Variants in MAP3K2 observed in about 807,000 individuals in gnomAD.
The protein encoded by MAP3K2 is MAP/ERK kinase kinase 2.
Under a neutral mutation model 80.3 loss-of-function variants are expected in MAP3K2, and 24 were observed. The ratio of observed to expected loss-of-function variants is 0.30; its 90% CI spans 0.22 to 0.42. MAP3K2 has a LOEUF of 0.42. MAP3K2 is among the 10% of genes least tolerant of loss of function. The pLI is 1.00. For synonymous variants in MAP3K2, 244 were observed against 253.7 expected (o/e 0.96, Z 0.36); for missense variants, 608 against 750.1 (o/e 0.81, Z 2.21).
chr2:127,366,865 G>GT (rs1686980241), intron 1 of MAP3K2, among the ~76,000 whole-genome samples: 2 of 78,254 alleles, frequency 2.6e-5, no homozygotes, highest in Non-Finnish European at 5.3e-5. Context: ...CACAGTCAAG[G>GT]GTTTTTTTTT....
intron 1 of MAP3K2, among the ~76,000 whole-genome samples, chr2:127,384,739 C>G (rs1199032146): frequency 6.6e-6 from 1 of 151,888 alleles, no homozygotes; most frequent in Admixed American, 6.6e-5. Flanking sequence ...CTCACTGCAG[C>G]CCTGACCTCC....
chr2:127,339,314 A>G lies in MAP3K2; in HGVS notation c.5-264T>C, dbSNP rs1686432928. Among the ~76,000 whole-genome samples, 1 of 152,232 alleles carries G rather than the reference A, an allele frequency of 6.6e-6. No homozygotes were observed. The highest frequency in any genetic ancestry group is 1.5e-5 in the Non-Finnish European group (1 of 68,040). On this transcript the variant is annotated intron_variant, in intron 2 of 16. Transcript: ENST00000682094. The surrounding 1 kb of genome is among the most constrained non-coding windows in gnomAD (Gnocchi z 4.2). ...TCTTCCAATGATTTAATATCCTAGA[A>G]TAAGGTCAAAACTGCCCTGTTATAA...
chr2:127,332,960 T>G (rs1201287771), intron 5 of MAP3K2, among the ~76,000 whole-genome samples: 1 of 151,546 alleles, frequency 6.6e-6, no homozygotes, highest in African/African-American at 2.4e-5. Flanking sequence ...TGAAACCACA[T>G]CTCTAGAAAA....
In MAP3K2 at chr2:127,386,990, GAGAT is replaced by G. The variant is rs1687363613; in HGVS notation, c.-66+458_-66+461del. The stretch of plus-strand genomic sequence containing the variant: ...CCTCATTGAGCTGGGAAGATGAAGA[GAGAT>G]AATGCATGACAACTGCCGGGCGCAG... On this transcript the variant is annotated intron_variant, in intron 1 of 16. Transcript: ENST00000682094. Among the ~76,000 whole-genome samples the G allele has an allele frequency of 1.3e-5, 2 of 152,158 alleles. 1 individual carries two copies. The highest frequency in any genetic ancestry group is 4.1e-4 in the South Asian group (2 of 4,834).
chr2:127,387,296 GCT>G (rs1335108493), intron 1 of MAP3K2, among the ~76,000 whole-genome samples, 154 bp downstream of exon 1: 1 of 151,792 alleles, frequency 6.6e-6, no homozygotes, highest in Non-Finnish European at 1.5e-5. Flanking sequence ...CCCTCCCGCA[GCT>G]AGGCAATCAC....
At chr2:127,347,691 T>G (rs933378747) in intron 1 of MAP3K2, among the ~76,000 whole-genome samples, 1 of 152,150 alleles carries the variant, frequency 6.6e-6, no homozygotes, top group African/African-American at 2.4e-5. Context: ...CAATGAACTC[T>G]CTATCAAAAT....
At chr2:127,363,014 C>T (rs148151361) in intron 1 of MAP3K2, among the ~76,000 whole-genome samples, 8 of 152,132 alleles carry the variant, frequency 5.3e-5, no homozygotes, top group Non-Finnish European at 8.8e-5. Flanking sequence ...CAAAAAATGC[C>T]GTGTAACAAT....
intron 16 of MAP3K2, among the ~76,000 whole-genome samples, chr2:127,308,284 G>A (rs981138605): frequency 2.0e-5 from 3 of 152,038 alleles, no homozygotes; most frequent in Admixed American, 2.0e-4. Flanking sequence ...TACTTTTAAA[G>A]GTCTTTAGAC....
intron 1 of MAP3K2, among the ~76,000 whole-genome samples, chr2:127,366,888 T>A (rs1001026285): frequency 4.2e-5 from 6 of 143,248 alleles, no homozygotes; most frequent in African/African-American, 1.6e-4. Context: ...TTTTTTTTTT[T>A]TGAGACAGAG....
In MAP3K2 at chr2:127,314,802, C is replaced by T. The variant is rs1397906028; in HGVS notation, c.1408G>A (p.Gly470Ser). 6.2e-7 allele frequency: 1 copy of T among 1,609,912 alleles called. No individual in the cohort carries two copies. Among genetic ancestry groups the T allele is most frequent in the Non-Finnish European group, 8.5e-7 (1 of 1,176,344 alleles). ...TRKYTRQILEGVHYLHSNMIV... is the reference protein window; with the variant it reads ...TRKYTRQILESVHYLHSNMIV... ...ATATTACTGTGCAAATAATGGACAC[C>T]CTCCAGAATCTGACGGGTGTATTTC... Residue 470 changes from glycine to serine, a missense_variant, in exon 15 of 17, where the codon GGT becomes AGT. This residue lies in a region of MAP3K2 where 88 missense variants were observed against 132.4 expected (regional missense o/e 0.66). Transcript: ENST00000682094.
chr2:127,361,438 G>T (rs1303800821), intron 1 of MAP3K2, among the ~76,000 whole-genome samples: 1 of 151,606 alleles, frequency 6.6e-6, no homozygotes, highest in Non-Finnish European at 1.5e-5. Flanking sequence ...TACTTCCATA[G>T]ATGCAATAAA....
At position 127,322,058 on chromosome 2, in the gene MAP3K2, G is replaced by A; in HGVS notation, c.1033C>T (p.Pro345Ser). The change falls in exon 12 of 17, where the codon CCA becomes TCA. Residue 345 changes from proline to serine, a missense_variant. By Grantham distance (74) the Pro-to-Ser change is moderately conservative. Transcript: ENST00000682094. This position sits in a 1 kb window ranked among gnomAD's most constrained non-coding sequence, Gnocchi z 4.2. ...TTCTATTACTTACAACGGCTGGGTG[G>A]GCTGATGTCCATTACGGTCAAAGTA... is the stretch of plus-strand genomic sequence containing the variant. ...NPTLTVMDISPPSRSPRAPTN... is the reference protein window; with the variant it reads ...NPTLTVMDISSPSRSPRAPTN... 6.2e-7 allele frequency: 1 copy of A among 1,612,798 alleles called. No homozygotes were observed. The highest frequency in any genetic ancestry group is 8.5e-7 in the Non-Finnish European group (1 of 1,179,384).
At position 127,377,967 on chromosome 2, in the gene MAP3K2, TAG is replaced by T. The variant is rs558665502; in HGVS notation, c.-66+9483_-66+9484del. On this transcript the variant is annotated intron_variant, in intron 1 of 16. Coordinates refer to ENST00000682094, the MANE Select transcript of MAP3K2 (RefSeq NM_001371910.2). ...CCACTGCCTTCCAGCCTGGACAACATAGAGAGACCTTGTCTCAAAACAAACAA... is the reference window on the plus strand; with the variant it reads ...CCACTGCCTTCCAGCCTGGACAACATAGAGACCTTGTCTCAAAACAAACAA... 5.1e-4 allele frequency among the ~76,000 whole-genome samples: 78 copies of T among 152,168 alleles called. No homozygotes were observed. The South Asian group carries it at 7.5e-3, about 15-fold the overall frequency.
At chr2:127,334,763 ATACTT>A (rs750781739) in intron 5 of MAP3K2, among the ~76,000 whole-genome samples, 2 of 138,764 alleles carry the variant, frequency 1.4e-5, no homozygotes, top group African/African-American at 2.7e-5. Flanking sequence ...CTTCAACACA[ATACTT>A]TATGCATTTT....
intron 2 of MAP3K2, among the ~76,000 whole-genome samples, chr2:127,342,558 T>TG (rs1420352038): frequency 6.6e-6 from 1 of 152,142 alleles, no homozygotes; most frequent in Non-Finnish European, 1.5e-5. Flanking sequence ...TTTTCTTGAT[T>TG]TAGGATAGGG....
Position 127,325,824 on chromosome 2 carries a change from T to G in MAP3K2, c.598-17A>C, listed in dbSNP as rs1243561042. Reference sequence around the variant, plus strand: ...ATCCAGCATCTAGGAAAAAAAGGAGTTCCACCATGATTCAATTTGATATAA... The same window carrying G: ...ATCCAGCATCTAGGAAAAAAAGGAGGTCCACCATGATTCAATTTGATATAA... On this transcript the variant is annotated splice_polypyrimidine_tract_variant and intron_variant, in intron 8 of 16. Coordinates refer to ENST00000682094, the MANE Select transcript of MAP3K2 (RefSeq NM_001371910.2). The G allele has an allele frequency of 6.3e-7, 1 of 1,581,108 alleles. No individual in the cohort carries two copies. The highest frequency in any genetic ancestry group is 1.7e-5 in the Admixed American group (1 of 58,710).
intron 1 of MAP3K2, among the ~76,000 whole-genome samples, chr2:127,385,987 A>G (rs1409283028): frequency 2.0e-5 from 3 of 152,252 alleles, no homozygotes; most frequent in African/African-American, 4.8e-5. Flanking sequence ...ACATAATTCA[A>G]TAAGATTCAA....
chr2:127,347,861 TA>T lies in MAP3K2; in HGVS notation c.-65-4668del, dbSNP rs1210226515. ...GCCAATAAAAATCAAAATGACATAC[TA>T]CCTCACATCCAGTAGGATGACTATA... is the stretch of plus-strand genomic sequence containing the variant. On this transcript the variant is annotated intron_variant, in intron 1 of 16. Transcript: ENST00000682094. Among the ~76,000 whole-genome samples, 17 of 151,880 alleles carry T rather than the reference TA, an allele frequency of 1.1e-4. 1 individual carries two copies. The East Asian group carries it at 3.3e-3, about 29-fold the overall frequency.
intron 1 of MAP3K2, among the ~76,000 whole-genome samples, chr2:127,374,997 T>A (rs1300185361): frequency 6.6e-6 from 1 of 152,204 alleles, no homozygotes; most frequent in Non-Finnish European, 1.5e-5. Flanking sequence ...ATTTTTAAAA[T>A]TTAAATAAAT....
Sources: allele counts gnomAD v4.1 joint callset (sites outside exome capture counted in the v4.1 genomes callset), GRCh38; gene constraint gnomAD v4.1.1; regional missense constraint gnomAD v4.1.1; non-coding constraint Gnocchi (gnomAD v3.1); transcripts MANE v1.5; gene names NCBI Gene and HGNC (gene_info 2026-07-23, HGNC 2026-07-21).